The following ASNS variants were observed in gnomAD, a reference collection of about 807,000 sequenced individuals.
ASNS encodes the protein asparagine synthetase [glutamine-hydrolyzing].
In ASNS, 37 loss-of-function variants were observed where a neutral mutation model predicts 62.6. The ratio of observed to expected loss-of-function variants is 0.59; its 90% CI spans 0.45 to 0.78. The LOEUF (loss-of-function observed/expected upper bound fraction) is 0.78. ASNS is among the 30% of genes least tolerant of loss of function. ASNS has a pLI of 0.00. For synonymous variants in ASNS, 207 were observed against 237.9 expected, an observed-to-expected ratio of 0.87 and a Z score of 1.19; for missense variants, 520 against 682.4, an observed-to-expected ratio of 0.76 and a Z score of 2.65.
chr7:97,905,039 T>C, the ASNS span, among the ~76,000 whole-genome samples: 1 of 152,186 alleles, frequency 6.6e-6, no homozygotes, highest in South Asian at 2.1e-4. Flanking sequence ...GACATCCACC[T>C]GCAGCATCCT....
the ASNS span, among the ~76,000 whole-genome samples, chr7:97,891,733 C>A: frequency 6.6e-6 from 1 of 152,170 alleles, no homozygotes; most frequent in African/African-American, 2.4e-5. Flanking sequence ...GTCTCACATG[C>A]AGGTCATGCT....
rs1399249548 is a variant in ASNS, at chr7:97,852,426, AG to A, written c.1518del (p.Phe507SerfsTer27). ...CCTTCTTTGGTTTTAGGAGTATTGA[AG>A]GGAAATTTCTGGGCTGCATTTGCCA... is the stretch of plus-strand genomic sequence containing the variant. Reference protein sequence around the residue: ...AMMANAAQKFPFNTPKTKEGY... With the variant: ...AMMANAAQKFXFNTPKTKEGY... On this transcript the variant is annotated frameshift_variant, in exon 13 of 13. Coordinates refer to ENST00000394308, the MANE Select transcript of ASNS (RefSeq NM_001673.5). LOFTEE classifies it high-confidence loss of function. 6.2e-7 allele frequency: 1 copy of A among 1,614,090 alleles called. No individual in the cohort carries two copies. The highest frequency in any genetic ancestry group is 2.2e-5 in the East Asian group (1 of 44,894).
chr7:97,885,410 G>A, the ASNS span, among the ~76,000 whole-genome samples: 3 of 152,214 alleles, frequency 2.0e-5, no homozygotes, highest in African/African-American at 7.2e-5. Flanking sequence ...AACTGGAGTG[G>A]AAGTGGTGGG....
At chr7:97,870,223 G>C in intron 1 of ASNS, 3 of 974,434 alleles carry the variant, frequency 3.1e-6, no homozygotes, top group Non-Finnish European at 4.3e-6. Flanking sequence ...TTCAGTGTCT[G>C]AGTGCTACGA....
the ASNS span, chr7:97,906,464 T>C: frequency 4.8e-6 from 1 of 207,814 alleles, no homozygotes; most frequent in African/African-American, 2.4e-5. Flanking sequence ...ATGGAGTGAG[T>C]GGTTATCTTT....
chr7:97,926,933 C>T, the ASNS span, among the ~76,000 whole-genome samples: 7 of 150,732 alleles, frequency 4.6e-5, no homozygotes, highest in East Asian at 2.0e-4. Context: ...TTGCTTGAAA[C>T]GGTCTCACTT....
chr7:97,865,998 G>A (rs1210403836), intron 3 of ASNS, among the ~76,000 whole-genome samples: 1 of 152,152 alleles, frequency 6.6e-6, no homozygotes, highest in East Asian at 1.9e-4. Flanking sequence ...GTAATGTCAT[G>A]TCAGTGCTCA....
At chr7:97,896,707 T>TACAC in the ASNS span, among the ~76,000 whole-genome samples, 2 of 27,692 alleles carry the variant, frequency 7.2e-5, no homozygotes, top group Non-Finnish European at 7.2e-5. Flanking sequence ...TATGTGTATA[T>TACAC]ATATACACAC....
chr7:97,891,813 C>T, the ASNS span, among the ~76,000 whole-genome samples: 2 of 152,162 alleles, frequency 1.3e-5, no homozygotes, highest in South Asian at 4.1e-4. Flanking sequence ...GGGTTTAAAC[C>T]CCCTCCTGGC....
intron 10 of ASNS, 52 bp from the exon 11 acceptor site, chr7:97,853,438 C>T: frequency 3.4e-6 from 5 of 1,463,506 alleles, no homozygotes; most frequent in African/African-American, 1.4e-5. Context: ...TTAGTGCCTG[C>T]CAGGTTAGGT....
chr7:97,861,583 A>G (rs1242184559), intron 4 of ASNS, among the ~76,000 whole-genome samples: 4 of 152,300 alleles, frequency 2.6e-5, no homozygotes, highest in African/African-American at 9.6e-5. Context: ...GTAAGTTTTA[A>G]AATCAGTTAA....
chr7:97,888,731 T>G, the ASNS span, among the ~76,000 whole-genome samples: 3 of 152,222 alleles, frequency 2.0e-5, no homozygotes, highest in South Asian at 2.1e-4. Context: ...CTTCTTCTCA[T>G]GCAGAGCTGA....
Position 97,870,264 on chromosome 7 carries a change from G to A in ASNS, c.-59-451C>T, listed in dbSNP as rs915251963. 9.6e-5 allele frequency: 67 copies of A among 697,168 alleles called. No homozygotes were observed. The East Asian group carries it at 1.1e-3, about 11-fold the overall frequency. The allele number at this position is 697,168 out of a possible 1,614,324, so 43.2% of individuals were successfully genotyped here. A position where few individuals can be genotyped will look rare whatever the true frequency, so the allele number is the denominator to read the frequency against. On this transcript the variant is annotated intron_variant, in intron 1 of 12. Transcript: ENST00000394308. Reference sequence around the variant, plus strand: ...GTACACAGAGGTCCAGATACATTCCGTTTTGAGAATGTCAATGGATACACC... The same window carrying A: ...GTACACAGAGGTCCAGATACATTCCATTTTGAGAATGTCAATGGATACACC...
chr7:97,895,988 GAAAA>G, the ASNS span, among the ~76,000 whole-genome samples: 6 of 135,870 alleles, frequency 4.4e-5, no homozygotes, highest in African/African-American at 1.8e-4. Flanking sequence ...CAAGGATGAG[GAAAA>G]AAAAAAAAAC....
At chr7:97,914,226 G>A in the ASNS span, among the ~76,000 whole-genome samples, 5 of 151,782 alleles carry the variant, frequency 3.3e-5, no homozygotes, top group Admixed American at 1.3e-4. Context: ...ATAGATGGAC[G>A]GACAGATGAA....
the ASNS span, among the ~76,000 whole-genome samples, chr7:97,895,996 A>C: frequency 3.3e-3 from 502 of 151,804 alleles, 2 homozygotes; most frequent in Non-Finnish European, 4.8e-3. Flanking sequence ...AGGAAAAAAA[A>C]AAAAACAAAA....
chr7:97,862,420 A>G (rs1174811060), intron 4 of ASNS, among the ~76,000 whole-genome samples: 1 of 152,202 alleles, frequency 6.6e-6, no homozygotes. Context: ...AGTGAGAGAG[A>G]AAGCAAAAAG....
chr7:97,904,315 CACAG>C, the ASNS span, among the ~76,000 whole-genome samples: 44 of 146,098 alleles, frequency 3.0e-4, no homozygotes, highest in African/African-American at 1.1e-3. Flanking sequence ...CACACACACA[CACAG>C]AGAGAGAGAA....
the ASNS span, among the ~76,000 whole-genome samples, chr7:97,912,318 G>C: frequency 2.6e-5 from 4 of 152,268 alleles, no homozygotes; most frequent in Non-Finnish European, 5.9e-5. Flanking sequence ...AAGGTCCCTT[G>C]TGAATATTTA....
Sources: gnomAD v4.1 joint callset for allele counts (sites outside exome capture counted in the v4.1 genomes callset) on GRCh38, gnomAD v4.1.1 for gene constraint, MANE v1.5 for transcripts, NCBI Gene and HGNC (gene_info 2026-07-23, HGNC 2026-07-21) for gene names.